Variants in TRPV3 observed in about 807,000 individuals in gnomAD.
TRPV3 encodes the protein transient receptor potential cation channel subfamily V member 3.
In TRPV3, 88 loss-of-function variants were observed where a neutral mutation model predicts 87.1. The observed-to-expected ratio is 1.01, with a 90% CI of 0.85 to 1.21. The LOEUF (loss-of-function observed/expected upper bound fraction) is 1.21, where lower values mean the gene tolerates loss of function less well. Ranked by LOEUF, TRPV3 falls within the 50% of genes most tolerant of loss-of-function variation. TRPV3 has a pLI of 0.00. For missense variants in TRPV3, 1,054 were observed against 1,030.1 expected, an observed-to-expected ratio of 1.02 and a Z score of -0.32; for synonymous variants, 438 against 423.3, an observed-to-expected ratio of 1.03 and a Z score of -0.43.
chr17:3,521,712 A>G (rs796289758), intron 13 of TRPV3, among the ~76,000 whole-genome samples: 9 of 152,320 alleles, frequency 5.9e-5, no homozygotes, highest in African/African-American at 2.2e-4. Flanking sequence ...GGGGGTAAAG[A>G]AATTATTATT....
rs1246875481 is a variant in TRPV3, at chr17:3,557,623, G to C, written c.-3+53C>G. ...GAGGACCTCTGAGGGCCACGCTCTG[G>C]GCTCCCCAGGGGCCTTGGAGATCAC... On this transcript the variant is annotated intron_variant, in intron 1 of 17. Transcript: ENST00000576742. The surrounding 1 kb of genome is among the most constrained non-coding windows in gnomAD (Gnocchi z 4.5). 1 of 152,224 alleles carries C rather than the reference G, an allele frequency of 6.6e-6. No individual in the cohort carries two copies. The highest frequency in any genetic ancestry group is 1.5e-5 in the Non-Finnish European group (1 of 68,110). The allele number at this position is 152,224 out of a possible 1,614,324, so 9.4% of individuals were successfully genotyped here.
rs2074118735 is a variant in TRPV3, at chr17:3,511,919, G to A, written c.*1998C>T. On this transcript the variant is annotated 3_prime_UTR_variant, in exon 18 of 18. Transcript: ENST00000576742. ...TCCATAGTGTGGAGCTTGGCATCAT[G>A]AATCCAAACCACTTCCTTTCAGACC... 1 of 152,150 alleles carries A rather than the reference G, an allele frequency of 6.6e-6. No individual in the cohort carries two copies. Among genetic ancestry groups the A allele is most frequent in the Non-Finnish European group, 1.5e-5 (1 of 68,028 alleles). The allele number at this position is 152,150 out of a possible 1,614,324, so 9.4% of individuals were successfully genotyped here.
Position 3,530,191 on chromosome 17 carries a change from T to C in TRPV3, c.1078A>G (p.Ile360Val). ...KMGKAEILKY[I>V]LSREIKEKRL... ...TTCTCCTTGATCTCACGACTGAGGA[T>C]GTACTTCAGGATCTGGGACAGGAGG... The change falls in exon 9 of 18, where the codon ATC becomes GTC. Residue 360 changes from isoleucine (I) to valine (V), a missense_variant. Ile to Val is a conservative substitution (Grantham distance 29, BLOSUM62 3). Coordinates refer to ENST00000576742, the MANE Select transcript of TRPV3 (RefSeq NM_145068.4). This position sits in a 1 kb window ranked among gnomAD's most constrained non-coding sequence, Gnocchi z 4.0. The C allele has an allele frequency of 1.9e-6, 3 of 1,612,334 alleles. No homozygotes were observed. The highest frequency in any genetic ancestry group is 2.5e-6 in the Non-Finnish European group (3 of 1,178,946).
intron 1 of TRPV3, among the ~76,000 whole-genome samples, chr17:3,555,639 T>C (rs935436227): frequency 6.6e-6 from 1 of 151,948 alleles, no homozygotes; most frequent in African/African-American, 2.4e-5. Flanking sequence ...CGTGCTGAGC[T>C]CCGAGGGGTG....
Position 3,532,806 on chromosome 17 carries a change from C to T in TRPV3, c.916G>A (p.Val306Met), listed in dbSNP as rs747382190. 1.2e-6 allele frequency: 2 copies of T among 1,614,252 alleles called. No individual in the cohort carries two copies. Among genetic ancestry groups the T allele is most frequent in the Non-Finnish European group, 1.7e-6 (2 of 1,180,042 alleles). ...TTCTGCGTCTTGAAGTCCTCGGCCA[C>T]GGTCACCAGGGCGTGAAGGATGTTG... is the stretch of plus-strand genomic sequence containing the variant. The part of the protein sequence containing the change: ...GNNILHALVT[V>M]AEDFKTQNDF... Residue 306 changes from valine (V) to methionine (M), a missense_variant, in exon 8 of 18, where the codon GTG (valine) becomes ATG (methionine). By Grantham distance (21) the Val-to-Met change is conservative (BLOSUM62 1). Transcript: ENST00000576742.
Position 3,511,303 on chromosome 17 carries a change from A to G in TRPV3, c.*2614T>C, listed in dbSNP as rs1300414104. The G allele has an allele frequency of 1.3e-5, 2 of 152,130 alleles. No individual in the cohort carries two copies. Among genetic ancestry groups the G allele is most frequent in the African/African-American group, 2.4e-5 (1 of 41,412 alleles). 9.4% of individuals were successfully genotyped at this position (152,130 alleles called of 1,614,324 possible). A position where few individuals can be genotyped will look rare whatever the true frequency, so the allele number is the denominator to read the frequency against. On this transcript the variant is annotated 3_prime_UTR_variant, in exon 18 of 18. Coordinates refer to ENST00000576742, the MANE Select transcript of TRPV3 (RefSeq NM_145068.4). The stretch of plus-strand genomic sequence containing the variant: ...AGAAAATAGTCCTGCCCCCCAATAT[A>G]AGCGAAATACAAAGACTCAAAATGA...
intron 2 of TRPV3, among the ~76,000 whole-genome samples, chr17:3,547,806 G>A (rs935654178): frequency 6.6e-6 from 1 of 152,192 alleles, no homozygotes. Context: ...CTGTGGCCTG[G>A]CTGAGCCCCA....
rs1362551078 is a variant in TRPV3, at chr17:3,530,239, A to G, written c.1066-36T>C. 1 of 1,588,426 alleles carries G rather than the reference A, an allele frequency of 6.3e-7. No individual in the cohort carries two copies. The highest frequency in any genetic ancestry group is 8.6e-7 in the Non-Finnish European group (1 of 1,165,442). ...AGGAGGAACAACCATCAGCTGCAGA[A>G]CAGGGGCTTAAGGCCAACAGGGCTG... On this transcript the variant is annotated intron_variant, in intron 8 of 17. Transcript: ENST00000576742. This position sits in a 1 kb window ranked among gnomAD's most constrained non-coding sequence, Gnocchi z 4.0.
In TRPV3 at chr17:3,546,667, T is replaced by C. The variant is rs968794500; in HGVS notation, c.120-1396A>G. On this transcript the variant is annotated intron_variant, in intron 2 of 17. Coordinates refer to ENST00000576742, the MANE Select transcript of TRPV3 (RefSeq NM_145068.4). ...TGCCCAAGGTCACGCAGCAGATAGG[T>C]AGCAAAGTCCAGATTCAAAGCTGGG... The C allele has an allele frequency of 2.0e-5, 9 of 455,842 alleles. No individual in the cohort carries two copies. In the Admixed American group the frequency reaches 2.1e-4, roughly 11 times the overall value. The allele number at this position is 455,842 out of a possible 1,614,324, so 28.2% of individuals were successfully genotyped here.
intron 14 of TRPV3, among the ~76,000 whole-genome samples, chr17:3,520,445 T>C (rs1051200632): frequency 1.3e-5 from 2 of 152,346 alleles, no homozygotes; most frequent in East Asian, 3.9e-4. Flanking sequence ...CTGTGGACTT[T>C]AGTTTCCGCA....
chr17:3,536,930 G>A (rs956795780), intron 6 of TRPV3, among the ~76,000 whole-genome samples: 1 of 152,140 alleles, frequency 6.6e-6, no homozygotes, highest in African/African-American at 2.4e-5. Flanking sequence ...AAGAGCTGCC[G>A]CTGTGTCATA....
At chr17:3,531,942 AC>A (rs1158221689) in intron 8 of TRPV3, among the ~76,000 whole-genome samples, 2 of 151,242 alleles carry the variant, frequency 1.3e-5, no homozygotes, top group Non-Finnish European at 2.9e-5. Flanking sequence ...AACAGTCACC[AC>A]CCCCCAGTGT....
chr17:3,522,035 C>T (rs1482303138), intron 13 of TRPV3, among the ~76,000 whole-genome samples: 3 of 152,058 alleles, frequency 2.0e-5, no homozygotes, highest in South Asian at 2.1e-4. Context: ...TAGATCGCAC[C>T]ACTGCACTCC....
At position 3,554,984 on chromosome 17, in the gene TRPV3, C is replaced by G; in HGVS notation, c.-2-132G>C. On this transcript the variant is annotated intron_variant, in intron 1 of 17. Coordinates refer to ENST00000576742, the MANE Select transcript of TRPV3 (RefSeq NM_145068.4). ...GAACTGGAAGCTCACTCCTCCCTTC[C>G]CAGTTCACCAATCCTTCTTCAAGGA... 6 of 599,212 alleles carry G rather than the reference C, an allele frequency of 1.0e-5. No homozygotes were observed. In the South Asian group the frequency reaches 1.2e-4, roughly 12 times the overall value. The allele number at this position is 599,212 out of a possible 1,614,324, so 37.1% of individuals were successfully genotyped here.
Position 3,530,014 on chromosome 17 carries a change from G to T in TRPV3, c.1242+13C>A. On this transcript the variant is annotated intron_variant, in intron 9 of 17. Coordinates refer to ENST00000576742, the MANE Select transcript of TRPV3 (RefSeq NM_145068.4). This position sits in a 1 kb window ranked among gnomAD's most constrained non-coding sequence, Gnocchi z 4.0. Reference sequence around the variant, plus strand: ...CTTCTCCCTGCCCTTCCCCGCCTGTGCAGGAGACCCACGTCGATGTTGGTG... The same window carrying T: ...CTTCTCCCTGCCCTTCCCCGCCTGTTCAGGAGACCCACGTCGATGTTGGTG... 6.2e-7 allele frequency: 1 copy of T among 1,608,550 alleles called. No homozygotes were observed. The highest frequency in any genetic ancestry group is 8.5e-7 in the Non-Finnish European group (1 of 1,176,450).
intron 2 of TRPV3, among the ~76,000 whole-genome samples, chr17:3,546,026 C>T (rs948632076): frequency 6.6e-6 from 1 of 150,788 alleles, no homozygotes; most frequent in South Asian, 2.1e-4. Flanking sequence ...ACAGGGAGCA[C>T]AGGGCCACGT....
intron 14 of TRPV3, among the ~76,000 whole-genome samples, chr17:3,519,602 C>CTGGA (rs60629683): frequency 0.43 from 40,232 of 93,310 alleles, 10,054 homozygotes; most frequent in East Asian, 0.9. Context: ...GGATGGATGA[C>CTGGA]TGGATGGATG....
chr17:3,526,480 A>C (rs1265040972), intron 12 of TRPV3, among the ~76,000 whole-genome samples: 1 of 147,574 alleles, frequency 6.8e-6, no homozygotes, highest in Non-Finnish European at 1.5e-5. Context: ...CTCCACCTCA[A>C]CTAAAAAAAA....
intron 9 of TRPV3, 55 bp from the exon 10 acceptor site, chr17:3,529,050 G>C: frequency 6.2e-7 from 1 of 1,600,274 alleles, no homozygotes; most frequent in Non-Finnish European, 8.6e-7. Context: ...GGGAGGGACC[G>C]TTTTCTAAAG....
Sources: allele counts gnomAD v4.1 joint callset (sites outside exome capture counted in the v4.1 genomes callset), GRCh38; gene constraint gnomAD v4.1.1; non-coding constraint Gnocchi (gnomAD v3.1); transcripts MANE v1.5; gene names NCBI Gene and HGNC (gene_info 2026-07-23, HGNC 2026-07-21).